Variants in PLEKHA4 observed in about 807,000 individuals in gnomAD.
PLEKHA4 encodes pleckstrin homology domain containing A4.
Under a neutral mutation model 94.7 loss-of-function variants are expected in PLEKHA4, and 73 were observed. The ratio of observed to expected loss-of-function variants is 0.77; its 90% CI spans 0.64 to 0.94. The LOEUF (loss-of-function observed/expected upper bound fraction) is 0.94, where lower values mean the gene tolerates loss of function less well. Among genes scored for constraint, PLEKHA4 ranks in the 40% least tolerant of loss-of-function variants. The pLI, the probability that PLEKHA4 is intolerant of heterozygous loss-of-function variation, is 0.00. For synonymous variants in PLEKHA4, 449 were observed against 437.1 expected, an observed-to-expected ratio of 1.03 and a Z score of -0.34; for missense variants, 1,049 against 1,054.1, an observed-to-expected ratio of 1.00 and a Z score of 0.07.
At chr19:48,861,523 A>G (rs1389218550) in intron 4 of PLEKHA4, 22 bp from the exon 5 acceptor site, 1 of 1,613,532 alleles carries the variant, frequency 6.2e-7, no homozygotes. Context: ...GGCTGGGGTC[A>G]AGGATCACAC....
At chr19:48,847,415 G>A (rs1232859803) in intron 14 of PLEKHA4, among the ~76,000 whole-genome samples, 1 of 152,004 alleles carries the variant, frequency 6.6e-6, no homozygotes, top group Non-Finnish European at 1.5e-5. Context: ...CAGCCTGGGC[G>A]ACAGAATGAG....
chr19:48,861,609 C>T lies in PLEKHA4; in HGVS notation c.265+11G>A, dbSNP rs2036644154. 1 of 1,614,120 alleles carries T rather than the reference C, an allele frequency of 6.2e-7. No individual in the cohort carries two copies. Among genetic ancestry groups the T allele is most frequent in the Non-Finnish European group, 8.5e-7 (1 of 1,179,974 alleles). ...GCCCTCCCACCCCAAGCCAGCCAGCCAGCCACTGACCCTTGTAATAAAAGA... is the reference window on the plus strand; with the variant it reads ...GCCCTCCCACCCCAAGCCAGCCAGCTAGCCACTGACCCTTGTAATAAAAGA... On this transcript the variant is annotated intron_variant, in intron 4 of 19. Transcript: ENST00000263265.
At chr19:48,856,163 C>T (rs1303260100) in intron 9 of PLEKHA4, among the ~76,000 whole-genome samples, 1 of 138,440 alleles carries the variant, frequency 7.2e-6, no homozygotes, top group Admixed American at 7.5e-5. Flanking sequence ...AAGAGTGAAA[C>T]TCCTTCTCAA....
rs574560634 is a variant in PLEKHA4 at position 48,861,434 on chromosome 19, C to G, written c.333G>C (p.Pro111=). The part of the protein sequence containing the change: ...LPSYNIRPDG[P]GAPRGRRFTF... ...TGAAGCGCCGCCCTCGGGGGGCTCC[C>G]GGCCCATCTGGTCTAATATTGTAGC... Residue 111 remains proline, a synonymous_variant, in exon 5 of 20, where the codon CCG becomes CCC. Transcript: ENST00000263265. The G allele has an allele frequency of 6.2e-7, 1 of 1,613,956 alleles. No individual in the cohort carries two copies. The highest frequency in any genetic ancestry group is 1.3e-5 in the African/African-American group (1 of 75,046).
chr19:48,860,289 T>C, intron 6 of PLEKHA4, 61 bp downstream of exon 6: 1 of 1,423,728 alleles, frequency 7.0e-7, no homozygotes. Context: ...AGGGGAGGAG[T>C]TGGGATGACG....
chr19:48,852,255 C>T lies in PLEKHA4; in HGVS notation c.1398G>A (p.Glu466=), dbSNP rs765898666. 25 of 1,614,074 alleles carry T rather than the reference C, an allele frequency of 1.5e-5. No homozygotes were observed. In the South Asian group the frequency reaches 2.3e-4, roughly 15 times the overall value. ...GGGGAGAACCAAGGTGCAGCAGGTA[C>T]TCCAGCGTCTCTCTTAAGGTGCCCA... ...QELGTLRETL[E]YLLHLGSPQD... The change falls in exon 13 of 20, where the codon GAG becomes GAA. Residue 466 remains glutamate (E), a synonymous_variant. Coordinates refer to ENST00000263265, the MANE Select transcript of PLEKHA4 (RefSeq NM_020904.3).
At chr19:48,858,194 C>T (rs1049248199) in intron 8 of PLEKHA4, among the ~76,000 whole-genome samples, 2 of 152,112 alleles carry the variant, frequency 1.3e-5, no homozygotes, top group African/African-American at 4.8e-5. Flanking sequence ...TCTGAGCTAC[C>T]GTCCCATGAT....
chr19:48,862,082 CCAGAGAGACAGAAGAGA>C (rs2123148833), intron 3 of PLEKHA4, among the ~76,000 whole-genome samples: 1 of 151,920 alleles, frequency 6.6e-6, no homozygotes, highest in South Asian at 2.1e-4. Context: ...GGAGAAAGAC[CCAGAGAGACAGAAGAGA>C]CAGAGACACA....
intron 13 of PLEKHA4, among the ~76,000 whole-genome samples, chr19:48,849,754 G>A (rs2123001029): frequency 6.6e-6 from 1 of 152,304 alleles, no homozygotes; most frequent in South Asian, 2.1e-4. Context: ...AACTCCAGAG[G>A]ATAAATTTAA....
At position 48,857,449 on chromosome 19, in the gene PLEKHA4, AGGGGGCCGCGGGG is replaced by A. The variant is rs2036466656; in HGVS notation, c.1007_1019del (p.Pro336LeufsTer29). The A allele has an allele frequency of 6.4e-7, 1 of 1,558,054 alleles. No individual in the cohort carries two copies. The highest frequency in any genetic ancestry group is 8.6e-7 in the Non-Finnish European group (1 of 1,157,066). ...ATAAAACCATGGAGGCCCGGGTCCC[AGGGGGCCGCGGGG>A]GGAGCTGGAGATAAGTGGGGGAGCC... On this transcript the variant is annotated frameshift_variant, in exon 9 of 20. Coordinates refer to ENST00000263265, the MANE Select transcript of PLEKHA4 (RefSeq NM_020904.3). LOFTEE classifies it high-confidence loss of function.
rs1169762044 is a variant in PLEKHA4, at chr19:48,839,346, A to G, written c.1906-83T>C. On this transcript the variant is annotated intron_variant, in intron 17 of 19. Transcript: ENST00000263265. Reference sequence around the variant, plus strand: ...GAGGGTGAAGTGAAGGGGGCTCCAAAAGAGAATGAAATTGCCCAAAAACAC... The same window carrying G: ...GAGGGTGAAGTGAAGGGGGCTCCAAGAGAGAATGAAATTGCCCAAAAACAC... 4.3e-6 allele frequency: 4 copies of G among 921,238 alleles called. No homozygotes were observed. The African/African-American group carries it at 6.7e-5, about 15-fold the overall frequency. 57.1% of individuals were successfully genotyped at this position (921,238 alleles called of 1,614,324 possible).
At position 48,837,466 on chromosome 19, in the gene PLEKHA4, G is replaced by C. The variant is rs558355200; in HGVS notation, c.2163C>G (p.Pro721=). 1.2e-6 allele frequency: 2 copies of C among 1,613,060 alleles called. No homozygotes were observed. Among genetic ancestry groups the C allele is most frequent in the East Asian group, 2.2e-5 (1 of 44,862 alleles). ...CCGAATTAGCCACCGGGGGAGATCT[G>C]GGGGGAGGGGTCTCCTGGCGCGTGG... ...SDPTRQETPP[P]RSPPVANSGS... Residue 721 remains proline, a synonymous_variant, in exon 20 of 20, where the codon CCC becomes CCG. Coordinates refer to ENST00000263265, the MANE Select transcript of PLEKHA4 (RefSeq NM_020904.3). This position sits in a 1 kb window ranked among gnomAD's most constrained non-coding sequence, Gnocchi z 4.3.
intron 3 of PLEKHA4, among the ~76,000 whole-genome samples, chr19:48,863,079 CACTA>C (rs66494766): frequency 0.042 from 6,429 of 152,180 alleles, 417 homozygotes; most frequent in African/African-American, 0.14. Context: ...TGAACTACTC[CACTA>C]ACTATCTCCA....
At chr19:48,857,159 T>C (rs2036453217) in intron 9 of PLEKHA4, among the ~76,000 whole-genome samples, 1 of 151,758 alleles carries the variant, frequency 6.6e-6, no homozygotes, top group South Asian at 2.1e-4. Context: ...CAATAAAAGC[T>C]CCTCCTTAGA....
chr19:48,860,779 AGGAAAGAG>A (rs1408675506), intron 5 of PLEKHA4, among the ~76,000 whole-genome samples: 4 of 151,284 alleles, frequency 2.6e-5, no homozygotes, highest in Non-Finnish European at 5.9e-5. Context: ...CAAGAAAGAA[AGGAAAGAG>A]GGAAAGAGGG....
intron 12 of PLEKHA4, among the ~76,000 whole-genome samples, chr19:48,853,052 T>A (rs11882315): frequency 4.6e-5 from 7 of 152,318 alleles, no homozygotes; most frequent in African/African-American, 1.7e-4. Flanking sequence ...TGCTAGGCAT[T>A]GTTCTCAACT....
rs553075556 is a variant in PLEKHA4 at position 48,857,368 on chromosome 19, GAAGA to G, written c.1047+50_1047+53del. On this transcript the variant is annotated intron_variant, in intron 9 of 19. Transcript: ENST00000263265. The stretch of plus-strand genomic sequence containing the variant: ...GCCAAGAGATGACATTCCTCATAGA[GAAGA>G]AAGGAAGGGAGGGGGCTCCGGTAGA... The G allele has an allele frequency of 5.9e-3, 4,320 of 735,346 alleles. 22 individuals carry two copies. Among genetic ancestry groups the G allele is most frequent in the Middle Eastern group, 8.1e-3 (33 of 4,062 alleles). 45.6% of individuals were successfully genotyped at this position (735,346 alleles called of 1,614,324 possible). A position where few individuals can be genotyped will look rare whatever the true frequency, so the allele number is the denominator to read the frequency against.
At chr19:48,853,179 C>T (rs1478433433) in intron 12 of PLEKHA4, among the ~76,000 whole-genome samples, 3 of 151,452 alleles carry the variant, frequency 2.0e-5, no homozygotes, top group Non-Finnish European at 4.4e-5. Context: ...GTTAAATATT[C>T]ATTCATTCAT....
chr19:48,842,334 A>G (rs776016281), intron 16 of PLEKHA4, among the ~76,000 whole-genome samples: 35 of 151,604 alleles, frequency 2.3e-4, no homozygotes, highest in Non-Finnish European at 4.3e-4. Flanking sequence ...TATTTTTAGT[A>G]CAGACAGGGT....
Sources: allele counts gnomAD v4.1 joint callset (sites outside exome capture counted in the v4.1 genomes callset), GRCh38; gene constraint gnomAD v4.1.1; non-coding constraint Gnocchi (gnomAD v3.1); transcripts MANE v1.5; gene names NCBI Gene and HGNC (gene_info 2026-07-23, HGNC 2026-07-21).